The following FRMPD3 variants were observed in gnomAD, a reference collection of about 807,000 sequenced individuals.
The protein encoded by FRMPD3 is FERM and PDZ domain-containing protein 3.
Under a neutral mutation model 97.9 loss-of-function variants are expected in FRMPD3, and 42 were observed. The ratio of observed to expected loss-of-function variants is 0.43; its 90% confidence interval spans 0.34 to 0.55. The LOEUF is 0.55. Ranked by LOEUF, FRMPD3 falls within the 20% of genes least tolerant of loss-of-function variation. FRMPD3 has a pLI of 0.03. For missense variants in FRMPD3, 1,303 were observed against 1,457.7 expected, an observed-to-expected ratio of 0.89 and a Z score of 1.73; for synonymous variants, 577 against 581.1, an observed-to-expected ratio of 0.99 and a Z score of 0.10.
At chrX:107,483,216 T>G (rs1157567414) in intron 1 of FRMPD3, among the ~76,000 whole-genome samples, 1 of 112,654 alleles carries the variant, frequency 8.9e-6, no homozygotes, top group African/African-American at 3.2e-5. Context: ...GCCCATGTTC[T>G]GCTCCCCAAA....
At chrX:107,461,757 TTATACATATACA>T (rs761470965) in intron 1 of FRMPD3, among the ~76,000 whole-genome samples, 1,952 of 91,984 alleles carry the variant, frequency 0.021, 47 homozygotes, top group African/African-American at 0.06. Context: ...CTGGAATTCA[TTATACATATACA>T]TATACATATA....
intron 12 of FRMPD3, among the ~76,000 whole-genome samples, chrX:107,572,911 A>ACTACTAC (rs1365575864): frequency 0.021 from 1,857 of 87,513 alleles, 58 homozygotes; most frequent in African/African-American, 0.097. Flanking sequence ...ACTACTACTA[A>ACTACTAC]TAATAATAAT....
At chrX:107,574,819 G>A (rs1387504527) in intron 12 of FRMPD3, among the ~76,000 whole-genome samples, 1 of 112,093 alleles carries the variant, frequency 8.9e-6, no homozygotes, top group African/African-American at 3.2e-5. Flanking sequence ...ATTGGTCAGA[G>A]AAGGGCCTCA....
chrX:107,526,816 C>T (rs1922715230), intron 2 of FRMPD3, 80 bp downstream of exon 2: 1 of 975,279 alleles, frequency 1.0e-6, no homozygotes, highest in South Asian at 2.9e-5. Context: ...AGCAGAGCTT[C>T]CAAGCATTCT....
chrX:107,514,213 A>T (rs1463903847), intron 1 of FRMPD3, among the ~76,000 whole-genome samples: 1 of 111,640 alleles, frequency 9.0e-6, no homozygotes, highest in Admixed American at 9.5e-5. Context: ...GGGGTGGGGG[A>T]GTTGGCAGGT....
Position 107,597,632 on chromosome X carries a change from C to G in FRMPD3, c.1753C>G (p.Leu585Val), listed in dbSNP as rs758546464. 7.7e-5 allele frequency: 93 copies of G among 1,209,137 alleles called. No individual in the cohort carries two copies. Among genetic ancestry groups the G allele is most frequent in the Non-Finnish European group, 1.0e-4 (90 of 895,185 alleles). The change falls in exon 14 of 15, where the codon CTA becomes GTA. Residue 585 changes from leucine to valine, a missense_variant. This residue lies in a region of FRMPD3 where 535 missense variants were observed against 618.6 expected (regional missense o/e 0.86). Coordinates refer to ENST00000683843, the MANE Select transcript of FRMPD3 (RefSeq NM_001388459.1). ...VVPDDFDAASLDHEPCASRAR... is the reference protein window; with the variant it reads ...VVPDDFDAASVDHEPCASRAR... ...CCCTGATGACTTTGATGCAGCTAGC[C>G]TAGACCACGAGCCTTGTGCCAGCAG... is the stretch of plus-strand genomic sequence containing the variant.
At position 107,450,198 on chromosome X, in the gene FRMPD3, G is replaced by A. The variant is rs762029548; in HGVS notation, c.-8+193G>A. Among the ~76,000 whole-genome samples, 342 of 111,180 alleles carry A rather than the reference G, an allele frequency of 3.1e-3. 1 individual carries two copies. Among genetic ancestry groups the A allele is most frequent in the African/African-American group, 0.011 (329 of 30,725 alleles). Reference sequence around the variant, plus strand: ...GTTTGGGCGGGCGGGGTAACGGCCCGTTGCGTGCCCACTGCCCCGGCGAGT... The same window carrying A: ...GTTTGGGCGGGCGGGGTAACGGCCCATTGCGTGCCCACTGCCCCGGCGAGT... On this transcript the variant is annotated intron_variant, in intron 1 of 14. Coordinates refer to ENST00000683843, the MANE Select transcript of FRMPD3 (RefSeq NM_001388459.1).
At position 107,597,459 on chromosome X, in the gene FRMPD3, G is replaced by C. The variant is rs935047120; in HGVS notation, c.1580G>C (p.Ser527Thr). 1 of 1,209,411 alleles carries C rather than the reference G, an allele frequency of 8.3e-7. No homozygotes were observed. The highest frequency in any genetic ancestry group is 1.7e-5 in the African/African-American group (1 of 57,284). Reference protein sequence around the residue: ...TPPPADSELVSFCYLHMREQR... With the variant: ...TPPPADSELVTFCYLHMREQR... ...CCACCTGCCGACTCTGAGCTTGTCA[G>C]CTTCTGCTACCTCCATATGCGGGAA... Residue 527 changes from serine to threonine, a missense_variant, in exon 14 of 15, where the codon AGC becomes ACC. Ser to Thr is a moderately conservative substitution (Grantham distance 58). Transcript: ENST00000683843.
At chrX:107,519,008 A>G in intron 1 of FRMPD3, among the ~76,000 whole-genome samples, 1 of 112,348 alleles carries the variant, frequency 8.9e-6, no homozygotes, top group East Asian at 2.8e-4. Flanking sequence ...TATATGAGAT[A>G]CCTACAGTAA....
At chrX:107,479,259 G>A (rs1408435594) in intron 1 of FRMPD3, among the ~76,000 whole-genome samples, 2 of 112,460 alleles carry the variant, frequency 1.8e-5, no homozygotes, top group Non-Finnish European at 3.8e-5. Context: ...GCCTTAGGGA[G>A]CTGGGAAGGT....
intron 1 of FRMPD3, among the ~76,000 whole-genome samples, chrX:107,491,093 A>C (rs1014037855): frequency 9.0e-6 from 1 of 111,564 alleles, no homozygotes; most frequent in Non-Finnish European, 1.9e-5. Context: ...ACCCACGACT[A>C]TCTGACCCCA....
At chrX:107,534,682 C>T (rs1923138105) in intron 4 of FRMPD3, among the ~76,000 whole-genome samples, 1 of 111,303 alleles carries the variant, frequency 9.0e-6, no homozygotes, top group African/African-American at 3.3e-5. Flanking sequence ...CACTCATACA[C>T]TCACACACAT....
Position 107,458,634 on chromosome X carries a change from G to A in FRMPD3, c.-8+8629G>A, listed in dbSNP as rs189945189. ...GAGAGGGTGTATATGCAGGCACAGT[G>A]GGGAAAAAATGATTGGCTGGGTATG... On this transcript the variant is annotated intron_variant, in intron 1 of 14. Coordinates refer to ENST00000683843, the MANE Select transcript of FRMPD3 (RefSeq NM_001388459.1). Among the ~76,000 whole-genome samples, 131 of 111,726 alleles carry A rather than the reference G, an allele frequency of 1.2e-3. 1 individual carries two copies. The highest frequency in any genetic ancestry group is 4.2e-3 in the African/African-American group (130 of 30,797).
chrX:107,581,123 G>C lies in FRMPD3; in HGVS notation c.1441+4664G>C, dbSNP rs1923362466. 3.6e-5 allele frequency among the ~76,000 whole-genome samples: 4 copies of C among 111,255 alleles called. No individual in the cohort carries two copies. In the Admixed American group the frequency reaches 3.8e-4, roughly 11 times the overall value. On this transcript the variant is annotated intron_variant, in intron 13 of 14. Transcript: ENST00000683843. The stretch of plus-strand genomic sequence containing the variant: ...TTTTGCTCTGTTTGTTTGTTTGTTT[G>C]TTGAGACAGAGTCTCACTGTTGTTG...
intron 3 of FRMPD3, among the ~76,000 whole-genome samples, chrX:107,530,725 T>C (rs777929432): frequency 9.0e-6 from 1 of 111,264 alleles, no homozygotes; most frequent in Non-Finnish European, 1.9e-5. Context: ...TCTCCAATGA[T>C]GTGAACAGAC....
chrX:107,579,597 A>G (rs1454723310), intron 13 of FRMPD3, among the ~76,000 whole-genome samples: 2 of 112,084 alleles, frequency 1.8e-5, no homozygotes, highest in African/African-American at 6.5e-5. Flanking sequence ...GCATTTATAT[A>G]TAAGAGATTC....
chrX:107,553,455 C>T (rs1219953575), intron 7 of FRMPD3, among the ~76,000 whole-genome samples: 4 of 109,126 alleles, frequency 3.7e-5, no homozygotes, highest in African/African-American at 6.7e-5. Flanking sequence ...CTAGCCCTCA[C>T]CATATGGAAA....
chrX:107,592,022 G>A (rs1361377562), intron 13 of FRMPD3, among the ~76,000 whole-genome samples: 1 of 110,777 alleles, frequency 9.0e-6, no homozygotes, highest in Non-Finnish European at 1.9e-5. Flanking sequence ...TTAGATTTTG[G>A]TGTACCCATC....
rs748836715 is a variant in FRMPD3, at chrX:107,526,698, G to A, written c.110G>A (p.Gly37Asp). ...DPIYGFGFVA[G>D]SERPVVVRSV... Reference sequence around the variant, plus strand: ...ATATATGGCTTTGGCTTCGTGGCTGGCAGTGAGAGGCCTGTGGTGGTTCGA... The same window carrying A: ...ATATATGGCTTTGGCTTCGTGGCTGACAGTGAGAGGCCTGTGGTGGTTCGA... The change falls in exon 2 of 15, where the codon GGC becomes GAC. Residue 37 changes from glycine to aspartate, a missense_variant. Transcript: ENST00000683843. The A allele has an allele frequency of 3.3e-6, 4 of 1,205,947 alleles. No individual in the cohort carries two copies. The South Asian group carries it at 7.1e-5, about 22-fold the overall frequency.
Sources: allele counts gnomAD v4.1 joint callset (sites outside exome capture counted in the v4.1 genomes callset), GRCh38; gene constraint gnomAD v4.1.1; regional missense constraint gnomAD v4.1.1; transcripts MANE v1.5; gene names NCBI Gene and HGNC (gene_info 2026-07-23, HGNC 2026-07-21).